Variants in CDH6 observed in about 807,000 individuals in gnomAD.
CDH6 encodes the protein cadherin-6.
CDH6 carries 31 observed loss-of-function variants against 78.0 expected under a neutral mutation model. The ratio of observed to expected loss-of-function variants is 0.40; its 90% CI spans 0.30 to 0.54. The LOEUF (loss-of-function observed/expected upper bound fraction) is 0.54, where lower values mean the gene tolerates loss of function less well. Ranked by LOEUF, CDH6 falls within the 20% of genes least tolerant of loss-of-function variation. CDH6 has a pLI of 0.56. For missense variants in CDH6, 724 were observed against 975.9 expected (o/e 0.74, Z 3.44); for synonymous variants, 376 against 368.8 (o/e 1.02, Z -0.23).
chr5:31,226,597 A>C (rs4571485), intron 1 of CDH6, among the ~76,000 whole-genome samples: 2 of 152,004 alleles, frequency 1.3e-5, no homozygotes, highest in Non-Finnish European at 2.9e-5. Flanking sequence ...TTCACACAGC[A>C]TATTAGGGAA....
intron 2 of CDH6, among the ~76,000 whole-genome samples, chr5:31,279,029 A>T (rs1742781755): frequency 6.6e-6 from 1 of 152,140 alleles, no homozygotes; most frequent in African/African-American, 2.4e-5. Flanking sequence ...GTCAATGAGG[A>T]TCAACATCCC....
rs1489662023 is a variant in CDH6, at chr5:31,327,220, T to C, written c.*3912T>C. 1.1e-5 allele frequency: 2 copies of C among 187,430 alleles called. No individual in the cohort carries two copies. The highest frequency in any genetic ancestry group is 2.3e-5 in the Non-Finnish European group (2 of 88,866). The allele number at this position is 187,430 out of a possible 1,614,324, so 11.6% of individuals were successfully genotyped here. A position where few individuals can be genotyped will look rare whatever the true frequency, so the allele number is the denominator to read the frequency against. On this transcript the variant is annotated 3_prime_UTR_variant, in exon 12 of 12. Transcript: ENST00000265071. Reference sequence around the variant, plus strand: ...ATATACTCAAGCACCATAAAAAGTATGCAGTTGAAAAGAAAATCAAAGTTG... The same window carrying C: ...ATATACTCAAGCACCATAAAAAGTACGCAGTTGAAAAGAAAATCAAAGTTG...
intron 1 of CDH6, among the ~76,000 whole-genome samples, chr5:31,206,310 C>T (rs947572506): frequency 2.6e-5 from 4 of 152,036 alleles, no homozygotes; most frequent in Non-Finnish European, 5.9e-5. Context: ...GTAACATGTA[C>T]ACATTTCTCA....
At chr5:31,302,081 T>A in intron 5 of CDH6, 30 bp from the exon 6 acceptor site, 1 of 1,518,782 alleles carries the variant, frequency 6.6e-7, no homozygotes, top group South Asian at 1.2e-5. Flanking sequence ...TTAGTCTATG[T>A]TTGACTTATA....
intron 1 of CDH6, among the ~76,000 whole-genome samples, chr5:31,225,764 AC>A (rs1311753336): frequency 1.3e-5 from 2 of 152,140 alleles, no homozygotes; most frequent in Non-Finnish European, 2.9e-5. Flanking sequence ...TTGGGTGGGG[AC>A]ACAGAGCCAA....
At chr5:31,218,421 T>G (rs1186859193) in intron 1 of CDH6, among the ~76,000 whole-genome samples, 1 of 152,156 alleles carries the variant, frequency 6.6e-6, no homozygotes, top group African/African-American at 2.4e-5. Flanking sequence ...AAAGAGCTCA[T>G]TTTACTGGTA....
intron 7 of CDH6, among the ~76,000 whole-genome samples, chr5:31,312,699 A>AAAAC (rs1158659950): frequency 1.5e-5 from 2 of 129,644 alleles, no homozygotes; most frequent in African/African-American, 2.6e-5. Flanking sequence ...ACCCCATCTC[A>AAAAC]AAACAAACAA....
chr5:31,271,945 C>A (rs1742541644), intron 2 of CDH6, among the ~76,000 whole-genome samples: 1 of 152,198 alleles, frequency 6.6e-6, no homozygotes, highest in South Asian at 2.1e-4. Flanking sequence ...ATTTATGATT[C>A]TAACATGTTG....
rs763546406 is a variant in CDH6, at chr5:31,294,066, G to C, written c.333G>C (p.Gln111His). The change falls in exon 3 of 12, where the codon CAG (glutamine) becomes CAC (histidine). Residue 111 changes from glutamine to histidine, a missense_variant. Gln to His is a conservative substitution (Grantham distance 24). Coordinates refer to ENST00000265071, the MANE Select transcript of CDH6 (RefSeq NM_004932.4). The surrounding 1 kb of genome is among the most constrained non-coding windows in gnomAD (Gnocchi z 4.1). Reference protein sequence around the residue: ...FIINENTGDIQATKRLDREEK... With the variant: ...FIINENTGDIHATKRLDREEK... ...TTAATGAAAACACAGGCGACATACA[G>C]GCCACCAAGAGGCTGGACAGGGAAG... 1.2e-6 allele frequency: 2 copies of C among 1,613,630 alleles called. No homozygotes were observed. The highest frequency in any genetic ancestry group is 4.5e-5 in the East Asian group (2 of 44,860).
At chr5:31,270,971 A>G (rs968192727) in intron 2 of CDH6, among the ~76,000 whole-genome samples, 3 of 152,216 alleles carry the variant, frequency 2.0e-5, no homozygotes, top group Admixed American at 1.3e-4. Context: ...ATAAAGGTGT[A>G]CCAAGGCTAA....
At chr5:31,221,001 C>T (rs1290478412) in intron 1 of CDH6, among the ~76,000 whole-genome samples, 2 of 152,174 alleles carry the variant, frequency 1.3e-5, no homozygotes, top group African/African-American at 4.8e-5. Context: ...TGCCTGAATT[C>T]TCACCCTATC....
chr5:31,224,441 G>C (rs764885920), intron 1 of CDH6, among the ~76,000 whole-genome samples: 5 of 152,160 alleles, frequency 3.3e-5, no homozygotes, highest in Non-Finnish European at 7.3e-5. Flanking sequence ...TTTCACAAAT[G>C]ACAGAACTTA....
intron 11 of CDH6, 120 bp from the exon 12 acceptor site, chr5:31,322,698 G>A: frequency 2.6e-6 from 3 of 1,164,816 alleles, no homozygotes; most frequent in South Asian, 1.6e-5. Context: ...AATAAAAGTT[G>A]AGTCTGCATT....
intron 1 of CDH6, among the ~76,000 whole-genome samples, chr5:31,253,133 G>A (rs1218532644): frequency 6.6e-6 from 1 of 152,174 alleles, no homozygotes; most frequent in Non-Finnish European, 1.5e-5. Context: ...TTCCTGCTTT[G>A]TCCTCACATG....
At position 31,317,944 on chromosome 5, in the gene CDH6, C is replaced by A. The variant is rs1472176257; in HGVS notation, c.1882+20C>A. On this transcript the variant is annotated intron_variant, in intron 11 of 11. Transcript: ENST00000265071. ...TACTAGGTAAACTGGTTCTCCCTGCCTCCTATCTCCCCATGGTGAGGGGCT... is the reference window on the plus strand; with the variant it reads ...TACTAGGTAAACTGGTTCTCCCTGCATCCTATCTCCCCATGGTGAGGGGCT... 1 of 1,609,162 alleles carries A rather than the reference C, an allele frequency of 6.2e-7. No homozygotes were observed. Among genetic ancestry groups the A allele is most frequent in the Non-Finnish European group, 8.5e-7 (1 of 1,179,874 alleles).
At chr5:31,202,045 T>C (rs1213544798) in intron 1 of CDH6, among the ~76,000 whole-genome samples, 1 of 152,208 alleles carries the variant, frequency 6.6e-6, no homozygotes, top group Non-Finnish European at 1.5e-5. Context: ...TTTAAATTTA[T>C]ATCTAACTCT....
intron 1 of CDH6, among the ~76,000 whole-genome samples, chr5:31,220,538 A>T (rs1042353694): frequency 3.9e-5 from 6 of 152,188 alleles, no homozygotes; most frequent in Non-Finnish European, 8.8e-5. Flanking sequence ...GGTGCTAAGT[A>T]TACATAGGTG....
At chr5:31,227,520 C>T (rs1741186099) in intron 1 of CDH6, among the ~76,000 whole-genome samples, 1 of 151,970 alleles carries the variant, frequency 6.6e-6, no homozygotes, top group Non-Finnish European at 1.5e-5. Context: ...CTGGCTTTTT[C>T]CCAGCGTTCT....
At chr5:31,218,255 A>G (rs1740919414) in intron 1 of CDH6, among the ~76,000 whole-genome samples, 1 of 152,194 alleles carries the variant, frequency 6.6e-6, no homozygotes. Context: ...AAAACAGAAA[A>G]AAAGGACACA....
Sources: gnomAD v4.1 joint callset for allele counts (sites outside exome capture counted in the v4.1 genomes callset) on GRCh38, gnomAD v4.1.1 for gene constraint, Gnocchi (gnomAD v3.1) non-coding constraint, MANE v1.5 for transcripts, NCBI Gene and HGNC (gene_info 2026-07-23, HGNC 2026-07-21) for gene names.